Variants in RNF43 observed in about 807,000 individuals in gnomAD.
The protein encoded by RNF43 is ring finger protein 43.
Under a neutral mutation model 78.4 loss-of-function variants are expected in RNF43, and 37 were observed. The ratio of observed to expected loss-of-function variants is 0.47; its 90% confidence interval spans 0.36 to 0.62. The LOEUF is 0.62. RNF43 is among the 20% of genes least tolerant of loss of function. The probability of loss-of-function intolerance (pLI) is 0.00; values close to 1 mark genes in which losing one functional copy is unlikely to be tolerated. For missense variants in RNF43, 774 were observed against 1,007.9 expected, an observed-to-expected ratio of 0.77 and a Z score of 3.14; for synonymous variants, 347 against 395.0, an observed-to-expected ratio of 0.88 and a Z score of 1.44.
intron 2 of RNF43, among the ~76,000 whole-genome samples, chr17:58,372,918 G>C (rs1300521373): frequency 1.3e-5 from 2 of 152,182 alleles, no homozygotes; most frequent in Admixed American, 1.3e-4. Flanking sequence ...TGGGCAGTGA[G>C]GTCTGGCACG....
chr17:58,392,197 G>A (rs376334106), intron 2 of RNF43, among the ~76,000 whole-genome samples: 1 of 152,326 alleles, frequency 6.6e-6, no homozygotes, highest in African/African-American at 2.4e-5. Context: ...GATAGAGTAG[G>A]AAACTTCAAA....
At chr17:58,368,213 C>G (rs1241928033) in intron 3 of RNF43, among the ~76,000 whole-genome samples, 2 of 152,160 alleles carry the variant, frequency 1.3e-5, no homozygotes, top group Non-Finnish European at 2.9e-5. Context: ...CCCTAAGACC[C>G]CATCTTTCCC....
At chr17:58,397,404 T>C (rs1263404586) in intron 2 of RNF43, among the ~76,000 whole-genome samples, 1 of 152,192 alleles carries the variant, frequency 6.6e-6, no homozygotes, top group Non-Finnish European at 1.5e-5. Context: ...CTCATGCCTG[T>C]AATCCCAGCA....
rs117563471 is a variant in RNF43, at chr17:58,374,069, C to T, written c.253-3036G>A. Among the ~76,000 whole-genome samples, 1,006 of 152,216 alleles carry T rather than the reference C, an allele frequency of 6.6e-3. 10 individuals are homozygous for T. Among genetic ancestry groups the T allele is most frequent in the South Asian group, 1.0e-2 (48 of 4,820 alleles). On this transcript the variant is annotated intron_variant, in intron 2 of 9. Coordinates refer to ENST00000407977, the MANE Select transcript of RNF43 (RefSeq NM_017763.6). ...ACTTTTTCATATTAACTCTTTTCAT[C>T]CTCATAACAACACTATCAGGTAGAG...
At position 58,363,561 on chromosome 17, in the gene RNF43, A is replaced by G; in HGVS notation, c.415T>C (p.Phe139Leu). The G allele has an allele frequency of 6.2e-7, 1 of 1,612,790 alleles. No individual in the cohort carries two copies. The highest frequency in any genetic ancestry group is 1.1e-5 in the South Asian group (1 of 91,002). Reference protein sequence around the residue: ...AGERGASAVLFDITEDRAAAE... With the variant: ...AGERGASAVLLDITEDRAAAE... ...GCAGCTCGATCCTCAGTGATGTCAAAGAGGACAGCACTGGCTCCTCGCTCA... is the reference window on the plus strand; with the variant it reads ...GCAGCTCGATCCTCAGTGATGTCAAGGAGGACAGCACTGGCTCCTCGCTCA... The change falls in exon 4 of 10, where the codon TTT becomes CTT. Residue 139 changes from phenylalanine (F) to leucine (L), a missense_variant. Phe to Leu is a conservative substitution (Grantham distance 22). Transcript: ENST00000407977.
At chr17:58,393,961 C>T (rs1973618111) in intron 2 of RNF43, among the ~76,000 whole-genome samples, 1 of 152,186 alleles carries the variant, frequency 6.6e-6, no homozygotes, top group African/African-American at 2.4e-5. Flanking sequence ...GAGACTGAGG[C>T]AGGAGAATGG....
chr17:58,406,768 TTA>T (rs1491019009), intron 2 of RNF43, among the ~76,000 whole-genome samples: 9 of 151,120 alleles, frequency 6.0e-5, no homozygotes, highest in Non-Finnish European at 3.0e-5. Context: ...TTTTTTTTTT[TTA>T]AAATAGCAAA....
At position 58,412,822 on chromosome 17, in the gene RNF43, GT is replaced by G. The variant is rs573724897; in HGVS notation, c.252+2503del. 7.7e-3 allele frequency among the ~76,000 whole-genome samples: 1,106 copies of G among 144,440 alleles called. 5 individuals carry two copies. The highest frequency in any genetic ancestry group is 0.011 in the African/African-American group (448 of 39,678). 94.8% of individuals were successfully genotyped at this position (144,440 alleles called of 152,430 possible). On this transcript the variant is annotated intron_variant, in intron 2 of 9. Transcript: ENST00000407977. ...TCAGAATTCCAGAAATAACAACATG[GT>G]TTTTTTTTTTTTAAATCACTGTTCT...
In RNF43 at chr17:58,360,766, C is replaced by A; in HGVS notation, c.849+17G>T. 6.2e-7 allele frequency: 1 copy of A among 1,603,432 alleles called. No individual in the cohort carries two copies. The highest frequency in any genetic ancestry group is 8.5e-7 in the Non-Finnish European group (1 of 1,174,740). On this transcript the variant is annotated intron_variant, in intron 7 of 9. Coordinates refer to ENST00000407977, the MANE Select transcript of RNF43 (RefSeq NM_017763.6). The surrounding 1 kb of genome is among the most constrained non-coding windows in gnomAD (Gnocchi z 4.3). Reference sequence around the variant, plus strand: ...CCCCAGTCTGGTCATGGAGGTGAACCACAAGACCTGCCTTACCTGCCCCTC... The same window carrying A: ...CCCCAGTCTGGTCATGGAGGTGAACAACAAGACCTGCCTTACCTGCCCCTC...
chr17:58,395,652 C>T (rs2680696), intron 2 of RNF43, among the ~76,000 whole-genome samples: 129,640 of 152,208 alleles, frequency 0.85, 55,561 homozygotes, highest in East Asian at 1. Context: ...TAAAAAAGAG[C>T]AGACTTGTTT....
intron 2 of RNF43, among the ~76,000 whole-genome samples, chr17:58,382,172 A>G (rs1973334490): frequency 6.6e-6 from 1 of 151,946 alleles, no homozygotes; most frequent in Non-Finnish European, 1.5e-5. Context: ...TCTCTTACCT[A>G]TTTCCTCCAG....
chr17:58,363,667 C>T (rs1434865986), intron 3 of RNF43, 67 bp from the exon 4 acceptor site: 5 of 1,318,866 alleles, frequency 3.8e-6, no homozygotes, highest in Non-Finnish European at 5.3e-6. Flanking sequence ...ACAGGCTAGC[C>T]TCACCCCTCA....
At chr17:58,375,084 C>T (rs1272624713) in intron 2 of RNF43, among the ~76,000 whole-genome samples, 3 of 152,154 alleles carry the variant, frequency 2.0e-5, no homozygotes, top group Admixed American at 1.3e-4. Context: ...ATTCTTTCTT[C>T]CATTCTCACT....
chr17:58,400,313 C>T (rs8072522), intron 2 of RNF43, among the ~76,000 whole-genome samples: 3,145 of 152,292 alleles, frequency 0.021, 114 homozygotes, highest in African/African-American at 0.072. Context: ...CTTGTCCTTT[C>T]GGCTACATTA....
chr17:58,356,119 C>CAGT (rs1321073492), intron 9 of RNF43, among the ~76,000 whole-genome samples: 3 of 152,178 alleles, frequency 2.0e-5, no homozygotes, highest in Admixed American at 6.5e-5. Context: ...CCAAAGCTTG[C>CAGT]AGTACATGGC....
At position 58,356,865 on chromosome 17, in the gene RNF43, C is replaced by T. The variant is rs186512669; in HGVS notation, c.2308+603G>A. ...AACACTTATGTTTGAGCTACTACCC[C>T]GGGGACCATTCCAAATGCCTCTTTT... On this transcript the variant is annotated intron_variant, in intron 9 of 9. Transcript: ENST00000407977. 5.8e-4 allele frequency: 179 copies of T among 306,160 alleles called. 1 individual carries two copies. The highest frequency in any genetic ancestry group is 8.1e-4 in the African/African-American group (37 of 45,880). 19.0% of individuals were successfully genotyped at this position (306,160 alleles called of 1,614,324 possible).
chr17:58,375,126 C>T (rs991335823), intron 2 of RNF43, among the ~76,000 whole-genome samples: 1 of 152,176 alleles, frequency 6.6e-6, no homozygotes, highest in African/African-American at 2.4e-5. Context: ...ACCATCACTG[C>T]CAACCCTATT....
intron 3 of RNF43, among the ~76,000 whole-genome samples, chr17:58,366,427 C>T (rs1188646580): frequency 6.6e-6 from 1 of 152,228 alleles, no homozygotes; most frequent in Non-Finnish European, 1.5e-5. Flanking sequence ...AGACACCCTA[C>T]CCTCTGGAGG....
At chr17:58,379,061 A>T (rs1013477293) in intron 2 of RNF43, among the ~76,000 whole-genome samples, 3 of 152,126 alleles carry the variant, frequency 2.0e-5, no homozygotes, top group Non-Finnish European at 2.9e-5. Flanking sequence ...CACCTAGTTA[A>T]AGTTAGTCAA....
Sources: gnomAD v4.1 joint callset for allele counts (sites outside exome capture counted in the v4.1 genomes callset) on GRCh38, gnomAD v4.1.1 for gene constraint, Gnocchi (gnomAD v3.1) non-coding constraint, MANE v1.5 for transcripts, NCBI Gene and HGNC (gene_info 2026-07-23, HGNC 2026-07-21) for gene names.